TRPS1: variants seen among roughly 807,000 people sequenced by gnomAD.
The protein encoded by TRPS1 is zinc finger transcription factor Trps1.
Under a neutral mutation model 101.2 loss-of-function variants are expected in TRPS1, and 6 were observed. That is an observed-to-expected ratio of 0.06 (90% CI 0.03 to 0.12). The LOEUF is 0.12. Ranked by LOEUF, TRPS1 falls within the 10% of genes least tolerant of loss-of-function variation. The pLI is 1.00. For synonymous variants in TRPS1, 578 were observed against 589.8 expected (o/e 0.98, Z 0.29); for missense variants, 1,363 against 1,567.0 (o/e 0.87, Z 2.20).
At chr8:115,496,031 T>C (rs1015779190) in intron 5 of TRPS1, among the ~76,000 whole-genome samples, 3 of 152,032 alleles carry the variant, frequency 2.0e-5, no homozygotes, top group Non-Finnish European at 2.9e-5. Context: ...ACCCCCTCAA[T>C]TCCCCCTCTG....
chr8:115,561,644 A>G (rs944522816), intron 5 of TRPS1, among the ~76,000 whole-genome samples: 4 of 152,048 alleles, frequency 2.6e-5, no homozygotes, highest in African/African-American at 9.7e-5. Context: ...CTACAGGAGG[A>G]ACGATAACCT....
intron 1 of TRPS1, among the ~76,000 whole-genome samples, chr8:115,648,430 G>A (rs1017338431): frequency 5.3e-5 from 8 of 152,200 alleles, no homozygotes; most frequent in Non-Finnish European, 1.0e-4. Flanking sequence ...ACGCGTGGTG[G>A]CGGCCGCAGG....
At chr8:115,644,402 C>G (rs1033575718) in intron 1 of TRPS1, among the ~76,000 whole-genome samples, 21 of 152,200 alleles carry the variant, frequency 1.4e-4, no homozygotes, top group African/African-American at 5.1e-4. Flanking sequence ...CATGAACCAA[C>G]CTCTGCTAGC....
Position 115,604,139 on chromosome 8 carries a change from G to A in TRPS1, c.1830C>T (p.Leu610=). Reference sequence around the variant, plus strand: ...CCCCAGGAGACAAGTGCAGAAGCAAGAGTGCACAGTGGGAACAATTACTTT... The same window carrying A: ...CCCCAGGAGACAAGTGCAGAAGCAAAAGTGCACAGTGGGAACAATTACTTT... The part of the protein sequence containing the change: ...CRKSNCSHCA[L]LLLHLSPGAA... Residue 610 remains leucine, a synonymous_variant, in exon 4 of 7, where the codon CTC becomes CTT. Coordinates refer to ENST00000395715, the MANE Select transcript of TRPS1 (RefSeq NM_014112.5). The surrounding 1 kb of genome is among the most constrained non-coding windows in gnomAD (Gnocchi z 4.1). 6.2e-7 allele frequency: 1 copy of A among 1,614,122 alleles called. No individual in the cohort carries two copies. The highest frequency in any genetic ancestry group is 8.5e-7 in the Non-Finnish European group (1 of 1,180,004).
intron 5 of TRPS1, among the ~76,000 whole-genome samples, chr8:115,566,064 A>G (rs1231744052): frequency 6.6e-6 from 1 of 152,144 alleles, no homozygotes; most frequent in Non-Finnish European, 1.5e-5. Context: ...ATCCTATTTT[A>G]AAGAAAACTG....
intron 5 of TRPS1, among the ~76,000 whole-genome samples, chr8:115,433,268 G>C (rs934078143): frequency 1.3e-5 from 2 of 151,742 alleles, no homozygotes; most frequent in Admixed American, 6.6e-5. Flanking sequence ...GCCCTTTCCA[G>C]GTTTTTACTT....
chr8:115,607,756 A>G (rs1182221303), intron 3 of TRPS1, among the ~76,000 whole-genome samples: 2 of 151,936 alleles, frequency 1.3e-5, no homozygotes, highest in Non-Finnish European at 2.9e-5. Flanking sequence ...TTCCTTTTTT[A>G]TTTCAAAAAG....
At chr8:115,477,693 T>A (rs1814640223) in intron 5 of TRPS1, among the ~76,000 whole-genome samples, 1 of 152,214 alleles carries the variant, frequency 6.6e-6, no homozygotes, top group African/African-American at 2.4e-5. Flanking sequence ...GTTCCATTAG[T>A]ACAAAGGCTC....
chr8:115,480,121 A>G (rs1814714724), intron 5 of TRPS1, among the ~76,000 whole-genome samples: 1 of 152,158 alleles, frequency 6.6e-6, no homozygotes, highest in African/African-American at 2.4e-5. Flanking sequence ...TTCATACTGA[A>G]GATGACTGTG....
chr8:115,490,641 GTC>G (rs1373421529), intron 5 of TRPS1, among the ~76,000 whole-genome samples: 1 of 151,910 alleles, frequency 6.6e-6, no homozygotes, highest in Non-Finnish European at 1.5e-5. Flanking sequence ...CATTCCTTTT[GTC>G]TGTTATTGTT....
At chr8:115,443,004 G>A (rs1168121016) in intron 5 of TRPS1, among the ~76,000 whole-genome samples, 5 of 152,102 alleles carry the variant, frequency 3.3e-5, no homozygotes, top group Non-Finnish European at 7.4e-5. Context: ...GCTGAGGCAG[G>A]AGAATGGCGT....
chr8:115,474,818 G>A (rs965923659), intron 5 of TRPS1, among the ~76,000 whole-genome samples: 3 of 152,164 alleles, frequency 2.0e-5, no homozygotes, highest in Admixed American at 1.3e-4. Context: ...TGTGCAAGTG[G>A]ATTTAAAACT....
At chr8:115,656,086 G>A (rs1026256406) in intron 1 of TRPS1, among the ~76,000 whole-genome samples, 9 of 152,116 alleles carry the variant, frequency 5.9e-5, no homozygotes, top group Non-Finnish European at 1.3e-4. Context: ...GGACTAGCAT[G>A]GGTAATGTAT....
At chr8:115,631,654 GAT>G (rs1818644880) in intron 1 of TRPS1, among the ~76,000 whole-genome samples, 2 of 147,530 alleles carry the variant, frequency 1.4e-5, no homozygotes, top group African/African-American at 2.7e-5. Context: ...TGGATGGATG[GAT>G]GGATGGATGG....
intron 6 of TRPS1, among the ~76,000 whole-genome samples, chr8:115,416,356 A>C (rs951916059): frequency 6.6e-6 from 1 of 151,742 alleles, no homozygotes; most frequent in Non-Finnish European, 1.5e-5. Flanking sequence ...ATGCGTATTT[A>C]TAGGTTAAAA....
intron 4 of TRPS1, among the ~76,000 whole-genome samples, chr8:115,590,338 C>T (rs1026473034): frequency 5.3e-5 from 8 of 152,148 alleles, no homozygotes; most frequent in African/African-American, 1.9e-4. Flanking sequence ...TCCACTTTAG[C>T]ATATTTGTGG....
chr8:115,447,254 G>A (rs1261469521), intron 5 of TRPS1, among the ~76,000 whole-genome samples: 1 of 152,110 alleles, frequency 6.6e-6, no homozygotes, highest in Non-Finnish European at 1.5e-5. Context: ...AAGGAGCTTA[G>A]TCATGTGATT....
intron 5 of TRPS1, among the ~76,000 whole-genome samples, chr8:115,561,945 G>C (rs570937220): frequency 8.6e-5 from 13 of 152,046 alleles, no homozygotes; most frequent in Non-Finnish European, 1.8e-4. Context: ...TGCAGATCAT[G>C]ATCGACAAAT....
intron 5 of TRPS1, among the ~76,000 whole-genome samples, chr8:115,539,405 T>A (rs1394431222): frequency 3.3e-5 from 5 of 152,340 alleles, no homozygotes; most frequent in Admixed American, 2.6e-4. Context: ...TTATGTCTAG[T>A]CCCATCCTCT....
Sources: allele counts gnomAD v4.1 joint callset (sites outside exome capture counted in the v4.1 genomes callset), GRCh38; gene constraint gnomAD v4.1.1; non-coding constraint Gnocchi (gnomAD v3.1); transcripts MANE v1.5; gene names NCBI Gene and HGNC (gene_info 2026-07-23, HGNC 2026-07-21).